Variants in HEG1 observed in about 807,000 individuals in gnomAD.
HEG1 encodes protein HEG homolog 1.
A neutral mutation model predicts 125.6 loss-of-function variants in HEG1; 56 were observed. The observed-to-expected ratio is 0.45, with a 90% CI of 0.36 to 0.56. The LOEUF is 0.56. Among genes scored for constraint, HEG1 ranks in the 20% least tolerant of loss-of-function variants. The probability of loss-of-function intolerance (pLI) is 0.00; values close to 1 mark genes in which losing one functional copy is unlikely to be tolerated. For synonymous variants in HEG1, 644 were observed against 668.5 expected (o/e 0.96, Z 0.57); for missense variants, 1,523 against 1,670.0 (o/e 0.91, Z 1.53).
chr3:125,010,059 C>A (rs923563411), intron 7 of HEG1, among the ~76,000 whole-genome samples: 1 of 152,180 alleles, frequency 6.6e-6, no homozygotes, highest in African/African-American at 2.4e-5. Flanking sequence ...GGGGAAACAG[C>A]AAATTTTAAT....
At chr3:125,049,764 T>C (rs185444293) in intron 1 of HEG1, among the ~76,000 whole-genome samples, 1 of 152,264 alleles carries the variant, frequency 6.6e-6, no homozygotes, top group African/African-American at 2.4e-5. Flanking sequence ...ATCAATACGA[T>C]GCCCACCAGC....
intron 14 of HEG1, among the ~76,000 whole-genome samples, chr3:124,984,482 G>A (rs1936707795): frequency 6.6e-6 from 1 of 152,190 alleles, no homozygotes; most frequent in Non-Finnish European, 1.5e-5. Flanking sequence ...AATGGGGCCA[G>A]GCACGGTGGC....
Position 124,967,552 on chromosome 3 carries a change from G to C in HEG1, c.*3100C>G, listed in dbSNP as rs1936339232. On this transcript the variant is annotated 3_prime_UTR_variant, in exon 17 of 17. Transcript: ENST00000311127. Reference sequence around the variant, plus strand: ...CTTAAAAAAATAACTTATCTTTAAAGCCCTTTCTCTCTTGCCCTCTTTGAT... The same window carrying C: ...CTTAAAAAAATAACTTATCTTTAAACCCCTTTCTCTCTTGCCCTCTTTGAT... 6.9e-6 allele frequency: 1 copy of C among 145,242 alleles called. No individual in the cohort carries two copies. The highest frequency in any genetic ancestry group is 7.2e-5 in the Admixed American group (1 of 13,892). 9.0% of individuals were successfully genotyped at this position (145,242 alleles called of 1,614,324 possible).
chr3:125,029,889 T>C (rs1937473905), intron 1 of HEG1, among the ~76,000 whole-genome samples: 2 of 152,216 alleles, frequency 1.3e-5, no homozygotes, highest in South Asian at 2.1e-4. Context: ...TGAAACTCCA[T>C]CTTAAAAAAT....
chr3:125,026,105 C>T (rs1937410250), intron 3 of HEG1, among the ~76,000 whole-genome samples: 3 of 152,192 alleles, frequency 2.0e-5, no homozygotes, highest in Admixed American at 2.0e-4. Flanking sequence ...CTCTGTCCTG[C>T]TCCCTATGGT....
In HEG1 at chr3:124,997,729, C is replaced by G; in HGVS notation, c.3612G>C (p.Ser1204=). 6.3e-7 allele frequency: 1 copy of G among 1,593,346 alleles called. No homozygotes were observed. The highest frequency in any genetic ancestry group is 8.6e-7 in the Non-Finnish European group (1 of 1,165,904). The change falls in exon 12 of 17, where the codon TCG becomes TCC. Residue 1204 remains serine, a synonymous_variant. Coordinates refer to ENST00000311127, the MANE Select transcript of HEG1 (RefSeq NM_020733.2). The part of the protein sequence containing the change: ...LDGVALCQCK[S]GYFQFNKMDH... ...CCATCTTGTTGAACTGAAAGTATCC[C>G]GACTTGCACTGGCACAGGGCAACGC...
intron 11 of HEG1, among the ~76,000 whole-genome samples, chr3:125,000,166 G>A (rs1056310077): frequency 3.3e-5 from 5 of 152,204 alleles, no homozygotes; most frequent in Admixed American, 1.3e-4. Flanking sequence ...TTGTTCTCAC[G>A]GGCTCTGAAA....
At chr3:124,994,946 T>C (rs77908412) in intron 12 of HEG1, among the ~76,000 whole-genome samples, 278 of 152,348 alleles carry the variant, frequency 1.8e-3, no homozygotes, top group Non-Finnish European at 3.1e-3. Context: ...GCTCAGGACA[T>C]GGTTCTAGCA....
chr3:125,015,038 C>A, intron 5 of HEG1: 1 of 1,212,304 alleles, frequency 8.2e-7, no homozygotes, highest in South Asian at 1.5e-5. Flanking sequence ...AAGAGGATGG[C>A]TGAAAAATGC....
chr3:125,033,527 C>A (rs906758546), intron 1 of HEG1, among the ~76,000 whole-genome samples: 2 of 152,138 alleles, frequency 1.3e-5, no homozygotes, highest in African/African-American at 4.8e-5. Context: ...AAATCTCACC[C>A]GAGTATATAT....
At chr3:125,033,367 G>A (rs1166545398) in intron 1 of HEG1, among the ~76,000 whole-genome samples, 1 of 152,140 alleles carries the variant, frequency 6.6e-6, no homozygotes, top group Non-Finnish European at 1.5e-5. Flanking sequence ...GATTCTCAAG[G>A]AGGGAATCCA....
chr3:124,980,775 T>G (rs1179388045), intron 14 of HEG1, among the ~76,000 whole-genome samples: 1 of 152,110 alleles, frequency 6.6e-6, no homozygotes. Flanking sequence ...CACCTCGGCC[T>G]CCCACGGTGC....
At chr3:125,007,464 T>C (rs1290723147) in intron 8 of HEG1, among the ~76,000 whole-genome samples, 1 of 152,346 alleles carries the variant, frequency 6.6e-6, no homozygotes, top group South Asian at 2.1e-4. Context: ...CTATGTTATC[T>C]AAATGATTTT....
At chr3:124,988,511 A>G (rs945348959) in intron 14 of HEG1, among the ~76,000 whole-genome samples, 3 of 152,162 alleles carry the variant, frequency 2.0e-5, no homozygotes, top group Non-Finnish European at 4.4e-5. Flanking sequence ...ACTGGGGTCC[A>G]TTGGAGTGAA....
rs1165724527 is a variant in HEG1, at chr3:125,025,586, T to C, written c.913+1619A>G. 2.0e-5 allele frequency among the ~76,000 whole-genome samples: 3 copies of C among 152,182 alleles called. No individual in the cohort carries two copies. In the East Asian group the frequency reaches 5.8e-4, roughly 29 times the overall value. On this transcript the variant is annotated intron_variant, in intron 3 of 16. Coordinates refer to ENST00000311127, the MANE Select transcript of HEG1 (RefSeq NM_020733.2). ...CGTGAAAAAAATATATAGGTGAATATAGAGTCATAGAGTCAAGTCCAGTAA... is the reference window on the plus strand; with the variant it reads ...CGTGAAAAAAATATATAGGTGAATACAGAGTCATAGAGTCAAGTCCAGTAA...
chr3:124,967,040 T>G lies in HEG1; in HGVS notation c.*3612A>C, dbSNP rs541988973. The G allele has an allele frequency of 7.9e-5, 12 of 152,342 alleles. No individual in the cohort carries two copies. The highest frequency in any genetic ancestry group is 1.5e-4 in the Non-Finnish European group (10 of 68,036). 9.4% of individuals were successfully genotyped at this position (152,342 alleles called of 1,614,324 possible). On this transcript the variant is annotated 3_prime_UTR_variant, in exon 17 of 17. Coordinates refer to ENST00000311127, the MANE Select transcript of HEG1 (RefSeq NM_020733.2). ...AAGAACTCAATCGTCACATCTTAGTTTTTGACCTCAGATGCCATCAGCCAA... is the reference window on the plus strand; with the variant it reads ...AAGAACTCAATCGTCACATCTTAGTGTTTGACCTCAGATGCCATCAGCCAA...
chr3:124,972,503 G>A (rs1218481510), intron 16 of HEG1, among the ~76,000 whole-genome samples: 3 of 152,118 alleles, frequency 2.0e-5, no homozygotes, highest in Non-Finnish European at 4.4e-5. Flanking sequence ...GAAATAAACA[G>A]CTTCTTAGCA....
At chr3:124,991,862 G>A (rs934739542) in intron 12 of HEG1, among the ~76,000 whole-genome samples, 2 of 151,922 alleles carry the variant, frequency 1.3e-5, no homozygotes, top group Admixed American at 6.6e-5. Flanking sequence ...CGCCCTCCTC[G>A]GCCTCCCAAA....
At chr3:124,985,369 G>A (rs1418676227) in intron 14 of HEG1, among the ~76,000 whole-genome samples, 4 of 152,116 alleles carry the variant, frequency 2.6e-5, no homozygotes, top group African/African-American at 7.2e-5. Flanking sequence ...AAATTAATGG[G>A]CATGTGCTAT....
Sources: gnomAD v4.1 joint callset for allele counts (sites outside exome capture counted in the v4.1 genomes callset) on GRCh38, gnomAD v4.1.1 for gene constraint, MANE v1.5 for transcripts, NCBI Gene and HGNC (gene_info 2026-07-23, HGNC 2026-07-21) for gene names.